The following MAP4 variants were observed in gnomAD, a reference collection of about 807,000 sequenced individuals.
MAP4 encodes microtubule-associated protein 4.
In MAP4, 76 loss-of-function variants were observed where a neutral mutation model predicts 170.2. The observed-to-expected ratio is 0.45, with a 90% CI of 0.37 to 0.54. The LOEUF is 0.54. Among genes scored for constraint, MAP4 ranks in the 20% least tolerant of loss-of-function variants. The pLI is 0.00. For missense variants in MAP4, 2,506 were observed against 2,748.0 expected (o/e 0.91, Z 1.97); for synonymous variants, 909 against 994.5 (o/e 0.91, Z 1.62).
intron 1 of MAP4, among the ~76,000 whole-genome samples, chr3:48,088,364 C>T (rs1315556330): frequency 1.3e-5 from 2 of 152,102 alleles, no homozygotes; most frequent in East Asian, 3.9e-4. Flanking sequence ...CATCAACTGA[C>T]CCCCACAAAG....
At position 47,852,764 on chromosome 3, in the gene MAP4, C is replaced by A. The variant is rs1291687605; in HGVS notation, c.*170G>T. 6.5e-7 allele frequency: 1 copy of A among 1,544,544 alleles called. No homozygotes were observed. ...AGGGAAGGCGAGCCTAGCGGGCTGC[C>A]CAGCACGGCGCCCAAGCGCTCACTG... On this transcript the variant is annotated 3_prime_UTR_variant, in exon 21 of 21. Coordinates refer to ENST00000683076, the MANE Select transcript of MAP4 (RefSeq NM_001385682.1).
chr3:48,086,976 T>C (rs2100149377), intron 1 of MAP4, among the ~76,000 whole-genome samples: 1 of 152,198 alleles, frequency 6.6e-6, no homozygotes. Flanking sequence ...TGGATACCAT[T>C]TTTGCCACTT....
Position 47,912,296 on chromosome 3 carries a change from A to G in MAP4, c.2125T>C (p.Trp709Arg), listed in dbSNP as rs1157728461. ...CCCAGCCTGTGATCAAGAGTCTTCC[A>G]TGGAGGAGAGCCTCCCAGCAGCTCA... Reference protein sequence around the residue: ...PPELLGGSPPWKTLDHRLGHC... With the variant: ...PPELLGGSPPRKTLDHRLGHC... Residue 709 changes from tryptophan (W) to arginine (R), a missense_variant, in exon 9 of 21, where the codon TGG becomes CGG. Coordinates refer to ENST00000683076, the MANE Select transcript of MAP4 (RefSeq NM_001385682.1). 2 of 1,536,042 alleles carry G rather than the reference A, an allele frequency of 1.3e-6. No individual in the cohort carries two copies. The highest frequency in any genetic ancestry group is 8.7e-7 in the Non-Finnish European group (1 of 1,146,916).
intron 2 of MAP4, among the ~76,000 whole-genome samples, chr3:47,988,100 A>G (rs2100089917): frequency 1.3e-5 from 2 of 151,996 alleles, no homozygotes; most frequent in African/African-American, 4.8e-5. Flanking sequence ...AGGCTGAGGC[A>G]GGAGAATGGC....
At chr3:47,992,339 T>G (rs950318475) in intron 2 of MAP4, among the ~76,000 whole-genome samples, 1 of 152,186 alleles carries the variant, frequency 6.6e-6, no homozygotes, top group Non-Finnish European at 1.5e-5. Context: ...CATCACCCCT[T>G]CCTTTAAGTT....
At chr3:47,975,594 C>A in intron 3 of MAP4, 1 of 725,574 alleles carries the variant, frequency 1.4e-6, no homozygotes. Context: ...ATTAATGAAG[C>A]TGGTTTGCTC....
chr3:48,034,437 T>C (rs192012341), intron 1 of MAP4, among the ~76,000 whole-genome samples: 1 of 152,260 alleles, frequency 6.6e-6, no homozygotes, highest in Admixed American at 6.5e-5. Context: ...GCACAGTGGC[T>C]CATACCTGTA....
rs1176417000 is a variant in MAP4, at chr3:47,975,540, T to C, written c.292+2325A>G. 6.2e-6 allele frequency: 6 copies of C among 960,702 alleles called. No individual in the cohort carries two copies. In the African/African-American group the frequency reaches 6.5e-5, roughly 10 times the overall value. The allele number at this position is 960,702 out of a possible 1,614,324, so 59.5% of individuals were successfully genotyped here. A position where few individuals can be genotyped will look rare whatever the true frequency, so the allele number is the denominator to read the frequency against. ...AGGGTGGAAAAGCACAGGTCATTAGTAAACAGCAAGTTCAATATCACAAGA... is the reference window on the plus strand; with the variant it reads ...AGGGTGGAAAAGCACAGGTCATTAGCAAACAGCAAGTTCAATATCACAAGA... On this transcript the variant is annotated intron_variant, in intron 3 of 20. Coordinates refer to ENST00000683076, the MANE Select transcript of MAP4 (RefSeq NM_001385682.1).
At chr3:47,886,648 C>A (rs2097646699) in intron 10 of MAP4, among the ~76,000 whole-genome samples, 1 of 152,210 alleles carries the variant, frequency 6.6e-6, no homozygotes, top group Non-Finnish European at 1.5e-5. Flanking sequence ...CCCAGAGTTT[C>A]ACAAAAGCAA....
chr3:47,937,584 C>A (rs1230211629), intron 3 of MAP4, among the ~76,000 whole-genome samples: 1 of 151,296 alleles, frequency 6.6e-6, no homozygotes, highest in East Asian at 1.9e-4. Context: ...TTCTGATGTT[C>A]TCAGGTTGAA....
At chr3:47,891,568 T>C (rs2100023957) in intron 10 of MAP4, 2 of 1,532,098 alleles carry the variant, frequency 1.3e-6, no homozygotes, top group Admixed American at 3.9e-5. Flanking sequence ...CTGGGGGAAC[T>C]GAGAGGTGAG....
intron 17 of MAP4, among the ~76,000 whole-genome samples, chr3:47,862,154 C>G (rs1342800375): frequency 1.8e-5 from 2 of 111,780 alleles, no homozygotes. Context: ...GAGCGAGACT[C>G]TGTCTCCAAA....
chr3:47,959,471 A>T (rs1281257563), intron 3 of MAP4, among the ~76,000 whole-genome samples: 2 of 150,822 alleles, frequency 1.3e-5, no homozygotes, highest in African/African-American at 2.4e-5. Context: ...AAAAAAAAAA[A>T]TGTGGCTGGG....
Position 47,910,840 on chromosome 3 carries a change from C to G in MAP4, c.3581G>C (p.Cys1194Ser), listed in dbSNP as rs541329916. Residue 1194 changes from cysteine (C) to serine (S), a missense_variant, in exon 9 of 21, where the codon TGT becomes TCT. By Grantham distance (112) the Cys-to-Ser change is moderately radical. Transcript: ENST00000683076. ...GVNNQSKEGRCPWKDHEAAPW... is the reference protein window; with the variant it reads ...GVNNQSKEGRSPWKDHEAAPW... ...AGCTGCCTCATGATCCTTCCATGGA[C>G]ACCTTCCTTCCTTGCTCTGGTTATT... The G allele has an allele frequency of 6.4e-5, 99 of 1,535,970 alleles. No individual in the cohort carries two copies. Among genetic ancestry groups the G allele is most frequent in the Non-Finnish European group, 8.5e-5 (98 of 1,146,896 alleles).
chr3:47,892,108 C>T (rs1188632706), intron 10 of MAP4: 2 of 1,536,140 alleles, frequency 1.3e-6, no homozygotes. Context: ...CCAGATGGAA[C>T]TCGGAGGTCT....
chr3:47,903,167 C>T (rs2100031032), intron 9 of MAP4, among the ~76,000 whole-genome samples, 167 bp from the exon 10 acceptor site: 3 of 152,102 alleles, frequency 2.0e-5, no homozygotes, highest in Non-Finnish European at 4.4e-5. Context: ...TAACATGGAG[C>T]GGGTATTGGA....
Position 47,995,621 on chromosome 3 carries a change from C to G in MAP4, c.223+3017G>C, listed in dbSNP as rs138583061. Among the ~76,000 whole-genome samples the G allele has an allele frequency of 1.0e-3, 156 of 152,122 alleles. 4 individuals are homozygous for G. The East Asian group carries it at 0.028, about 27-fold the overall frequency. ...TTTAAATGAGTTGTGGTCTGCCCCCCCTCCCCAACACACAAATTAAACATA... is the reference window on the plus strand; with the variant it reads ...TTTAAATGAGTTGTGGTCTGCCCCCGCTCCCCAACACACAAATTAAACATA... On this transcript the variant is annotated intron_variant, in intron 2 of 20. Transcript: ENST00000683076.
chr3:47,857,597 T>G (rs922510182), intron 17 of MAP4, 85 bp from the exon 18 acceptor site: 5 of 912,072 alleles, frequency 5.5e-6, no homozygotes, highest in Non-Finnish European at 8.9e-6. Flanking sequence ...ATCTTCTCCA[T>G]GTTCAGGGTT....
intron 3 of MAP4, among the ~76,000 whole-genome samples, chr3:47,965,323 C>T (rs973801492): frequency 6.6e-6 from 1 of 152,142 alleles, no homozygotes; most frequent in Non-Finnish European, 1.5e-5. Flanking sequence ...TGGGTTGCTT[C>T]CATCTTTTGG....
Sources: gnomAD v4.1 joint callset for allele counts (sites outside exome capture counted in the v4.1 genomes callset) on GRCh38, gnomAD v4.1.1 for gene constraint, MANE v1.5 for transcripts, NCBI Gene and HGNC (gene_info 2026-07-23, HGNC 2026-07-21) for gene names.